ASIC2: variants seen among roughly 807,000 people sequenced by gnomAD.
ASIC2 encodes the protein acid-sensing ion channel 2.
A neutral mutation model predicts 57.3 loss-of-function variants in ASIC2; 25 were observed. The observed-to-expected ratio is 0.44, with a 90% CI of 0.32 to 0.61. ASIC2 has a LOEUF of 0.61. Ranked by LOEUF, ASIC2 falls within the 20% of genes least tolerant of loss-of-function variation. ASIC2 has a pLI of 0.06. For synonymous variants in ASIC2, 319 were observed against 307.5 expected, an observed-to-expected ratio of 1.04 and a Z score of -0.39; for missense variants, 641 against 738.1, an observed-to-expected ratio of 0.87 and a Z score of 1.52.
intron 1 of ASIC2, among the ~76,000 whole-genome samples, chr17:33,460,061 G>A (rs1912584571): frequency 6.6e-6 from 1 of 151,916 alleles, no homozygotes; most frequent in Non-Finnish European, 1.5e-5. Context: ...TGACAAACTA[G>A]CTAGTAGTTT....
intron 1 of ASIC2, among the ~76,000 whole-genome samples, chr17:33,603,923 CAG>C (rs1256176247): frequency 1.3e-5 from 2 of 152,272 alleles, no homozygotes; most frequent in African/African-American, 4.8e-5. Context: ...ATCCAGCAGA[CAG>C]ACTGTGAGGA....
intron 1 of ASIC2, among the ~76,000 whole-genome samples, chr17:33,729,354 T>A (rs1013415480): frequency 6.6e-6 from 1 of 152,166 alleles, no homozygotes; most frequent in Non-Finnish European, 1.5e-5. Flanking sequence ...ACCAAGCTGG[T>A]GCCTTCCATA....
At chr17:34,051,922 G>C (rs551414245) in intron 1 of ASIC2, among the ~76,000 whole-genome samples, 1 of 151,388 alleles carries the variant, frequency 6.6e-6, no homozygotes, top group Non-Finnish European at 1.5e-5. Flanking sequence ...TCTGGTAGCT[G>C]GAAGTCTACA....
chr17:33,991,183 TTAAC>T (rs2142009777), intron 1 of ASIC2, among the ~76,000 whole-genome samples: 1 of 152,308 alleles, frequency 6.6e-6, no homozygotes, highest in South Asian at 2.1e-4. Flanking sequence ...CTTTTCCTTA[TTAAC>T]TGAGTCTTGA....
chr17:33,714,985 T>TTTTTTATTA (rs377651164), intron 1 of ASIC2, among the ~76,000 whole-genome samples: 4 of 142,200 alleles, frequency 2.8e-5, no homozygotes, highest in African/African-American at 8.0e-5. Context: ...GCCAGGCTAA[T>TTTTTTATTA]TTATTATTAT....
chr17:33,141,724 C>T (rs11652461), intron 1 of ASIC2, among the ~76,000 whole-genome samples: 46,610 of 152,048 alleles, frequency 0.31, 7,460 homozygotes, highest in East Asian at 0.4. Context: ...CAACTCTTGT[C>T]CATTAATTTA....
At chr17:33,869,485 A>AGGGC (rs1914332935) in intron 1 of ASIC2, among the ~76,000 whole-genome samples, 1 of 152,204 alleles carries the variant, frequency 6.6e-6, no homozygotes, top group Non-Finnish European at 1.5e-5. Context: ...AGTAGAAACA[A>AGGGC]TCTAAATGTC....
intron 1 of ASIC2, among the ~76,000 whole-genome samples, chr17:33,421,266 C>A (rs1179007408): frequency 6.6e-6 from 1 of 152,172 alleles, no homozygotes; most frequent in Non-Finnish European, 1.5e-5. Flanking sequence ...AAATTTCCAG[C>A]TGCACAGTTT....
At chr17:33,864,138 G>C (rs558943994) in intron 1 of ASIC2, among the ~76,000 whole-genome samples, 7 of 152,098 alleles carry the variant, frequency 4.6e-5, no homozygotes, top group African/African-American at 1.7e-4. Context: ...CCTGACCTCA[G>C]GTGATCTGCT....
intron 3 of ASIC2, among the ~76,000 whole-genome samples, chr17:33,057,251 A>G (rs1219091690): frequency 6.6e-6 from 1 of 152,192 alleles, no homozygotes; most frequent in Non-Finnish European, 1.5e-5. Context: ...GGCTGCCTCT[A>G]ACACACACTG....
chr17:34,004,081 T>C (rs1208053406), intron 1 of ASIC2: 1 of 152,204 alleles, frequency 6.6e-6, no homozygotes. Flanking sequence ...TGGTTACCAG[T>C]TATGGTGGGA....
chr17:33,602,219 T>C (rs1597803801), intron 1 of ASIC2, among the ~76,000 whole-genome samples: 1 of 152,338 alleles, frequency 6.6e-6, no homozygotes, highest in Admixed American at 6.5e-5. Flanking sequence ...AGAACATGAA[T>C]TTTTGGAGCC....
chr17:33,359,414 C>T (rs1403101163), intron 1 of ASIC2, among the ~76,000 whole-genome samples: 1 of 152,174 alleles, frequency 6.6e-6, no homozygotes, highest in Non-Finnish European at 1.5e-5. Flanking sequence ...AAGAAAGAGT[C>T]AATTGAACAT....
chr17:33,259,742 G>A lies in ASIC2; in HGVS notation c.708+31666C>T, dbSNP rs975537652. ...CTGGGAATAGGGATGGAAGTAAGAC[G>A]CAATCCTCCTTCTGGTCTCATGTTT... On this transcript the variant is annotated intron_variant, in intron 1 of 9. Coordinates refer to ENST00000225823, the MANE Select transcript of ASIC2 (RefSeq NM_183377.2). Among the ~76,000 whole-genome samples the A allele has an allele frequency of 8.5e-5, 13 of 152,158 alleles. 1 individual carries two copies. Among genetic ancestry groups the A allele is most frequent in the South Asian group, 6.2e-4 (3 of 4,820 alleles).
intron 1 of ASIC2, among the ~76,000 whole-genome samples, chr17:33,254,824 T>A (rs1481388248): frequency 6.6e-6 from 1 of 152,052 alleles, no homozygotes; most frequent in African/African-American, 2.4e-5. Context: ...ATATCCTCAT[T>A]TTTGTTAACT....
At chr17:33,401,269 A>T (rs1330575819) in intron 1 of ASIC2, among the ~76,000 whole-genome samples, 1 of 152,234 alleles carries the variant, frequency 6.6e-6, no homozygotes, top group Non-Finnish European at 1.5e-5. Flanking sequence ...AACTACTGGT[A>T]AGCACTACCA....
At chr17:33,034,168 C>T (rs995928301) in intron 3 of ASIC2, among the ~76,000 whole-genome samples, 6 of 152,096 alleles carry the variant, frequency 3.9e-5, no homozygotes, top group African/African-American at 1.2e-4. Context: ...AAATAAAACT[C>T]CTCTCCTTCT....
chr17:34,068,820 C>T (rs1021159533), intron 1 of ASIC2, among the ~76,000 whole-genome samples: 6 of 152,216 alleles, frequency 3.9e-5, no homozygotes, highest in Non-Finnish European at 7.3e-5. Flanking sequence ...CCAGTGGGCC[C>T]TCAGGGGAGC....
chr17:34,082,710 T>C (rs1909936038), intron 1 of ASIC2, among the ~76,000 whole-genome samples: 1 of 152,244 alleles, frequency 6.6e-6, no homozygotes, highest in Non-Finnish European at 1.5e-5. Context: ...ACTTCATGCA[T>C]TACCTTACTA....
Sources: gnomAD v4.1 joint callset for allele counts (sites outside exome capture counted in the v4.1 genomes callset) on GRCh38, gnomAD v4.1.1 for gene constraint, MANE v1.5 for transcripts, NCBI Gene and HGNC (gene_info 2026-07-23, HGNC 2026-07-21) for gene names.